Variants in MEI4 observed in about 807,000 individuals in gnomAD.
The protein encoded by MEI4 is meiotic double-stranded break formation protein 4.
In MEI4, 27 loss-of-function variants were observed where a neutral mutation model predicts 31.4. That is an observed-to-expected ratio of 0.86 (90% CI 0.63 to 1.19). MEI4 has a LOEUF of 1.19. MEI4 is among the 50% of genes most tolerant of loss of function. The probability of loss-of-function intolerance (pLI) is 0.00; values close to 1 mark genes in which losing one functional copy is unlikely to be tolerated. For synonymous variants in MEI4, 122 were observed against 145.4 expected (o/e 0.84, Z 1.16); for missense variants, 329 against 398.9 (o/e 0.82, Z 1.49).
At chr6:77,921,695 C>T (rs1392355584) in intron 4 of MEI4, among the ~76,000 whole-genome samples, 1 of 151,648 alleles carries the variant, frequency 6.6e-6, no homozygotes, top group African/African-American at 2.4e-5. Context: ...CACTTAGAGG[C>T]CATTTGTAGG....
chr6:77,673,614 C>A (rs73457428), intron 1 of MEI4, among the ~76,000 whole-genome samples: 6,600 of 152,200 alleles, frequency 0.043, 485 homozygotes, highest in African/African-American at 0.15. Context: ...CCCTGACCCT[C>A]AAGGAACTTT....
rs1766828883 is a variant in MEI4, at chr6:77,925,797, T to G, written c.*2451T>G. ...AATATATTTTATATGAGAGTAAATA[T>G]ATATTAAATATTTTATATACATTTA... On this transcript the variant is annotated 3_prime_UTR_variant, in exon 5 of 5. Transcript: ENST00000684080. 6.8e-6 allele frequency: 1 copy of G among 148,050 alleles called. No individual in the cohort carries two copies. Among genetic ancestry groups the G allele is most frequent in the African/African-American group, 2.4e-5 (1 of 40,818 alleles). The allele number at this position is 148,050 out of a possible 1,614,324, so 9.2% of individuals were successfully genotyped here.
chr6:77,739,428 A>C (rs1767340319), intron 2 of MEI4, among the ~76,000 whole-genome samples: 1 of 152,204 alleles, frequency 6.6e-6, no homozygotes, highest in African/African-American at 2.4e-5. Flanking sequence ...TTGCAGGGAC[A>C]TGGATGAACC....
At chr6:77,699,805 C>T (rs1766169063) in intron 2 of MEI4, among the ~76,000 whole-genome samples, 1 of 152,156 alleles carries the variant, frequency 6.6e-6, no homozygotes, top group African/African-American at 2.4e-5. Context: ...CCATTCAGGA[C>T]CCTCAGCTGC....
chr6:77,821,543 C>G (rs1769824762), intron 3 of MEI4, among the ~76,000 whole-genome samples: 1 of 151,958 alleles, frequency 6.6e-6, no homozygotes. Context: ...CGCCTGTAAT[C>G]CCAGCACTTT....
chr6:77,891,541 T>C (rs1296706244), intron 4 of MEI4, among the ~76,000 whole-genome samples: 6 of 152,194 alleles, frequency 3.9e-5, no homozygotes, highest in Non-Finnish European at 8.8e-5. Context: ...CTTTTTTGTG[T>C]TGTTTAACCT....
chr6:77,662,470 A>G (rs1768530797), intron 1 of MEI4, among the ~76,000 whole-genome samples: 1 of 152,176 alleles, frequency 6.6e-6, no homozygotes, highest in African/African-American at 2.4e-5. Flanking sequence ...TAATTGTGGG[A>G]GACTCAACAA....
At chr6:77,824,545 TA>T (rs1769899245) in intron 3 of MEI4, among the ~76,000 whole-genome samples, 1 of 152,180 alleles carries the variant, frequency 6.6e-6, no homozygotes, top group African/African-American at 2.4e-5. Flanking sequence ...AGTAAATGCT[TA>T]ATAAATTGTC....
At chr6:77,802,572 T>C (rs1267299299) in intron 3 of MEI4, among the ~76,000 whole-genome samples, 1 of 152,194 alleles carries the variant, frequency 6.6e-6, no homozygotes, top group Non-Finnish European at 1.5e-5. Context: ...GCCTCAATGG[T>C]CTTTATAACT....
chr6:77,889,501 C>T (rs1340626516), intron 4 of MEI4, among the ~76,000 whole-genome samples: 1 of 152,118 alleles, frequency 6.6e-6, no homozygotes, highest in Non-Finnish European at 1.5e-5. Flanking sequence ...AAAGATATTT[C>T]TAAGCAGCAA....
intron 1 of MEI4, among the ~76,000 whole-genome samples, chr6:77,685,006 A>G (rs1769026431): frequency 6.6e-6 from 1 of 152,146 alleles, no homozygotes; most frequent in African/African-American, 2.4e-5. Flanking sequence ...CATCCTCACC[A>G]GCAGTTGTTA....
At chr6:77,702,208 C>T (rs9443460) in intron 2 of MEI4, among the ~76,000 whole-genome samples, 114,409 of 152,024 alleles carry the variant, frequency 0.75, 43,282 homozygotes, top group East Asian at 0.86. Flanking sequence ...ACCTCTTTGT[C>T]CTTCTCACCC....
intron 4 of MEI4, among the ~76,000 whole-genome samples, chr6:77,844,028 C>A (rs552658042): frequency 2.6e-5 from 4 of 152,150 alleles, no homozygotes; most frequent in African/African-American, 9.6e-5. Flanking sequence ...ATTTTTATCC[C>A]TAAGGAGTTA....
intron 4 of MEI4, among the ~76,000 whole-genome samples, chr6:77,908,593 C>A (rs1359325470): frequency 2.0e-5 from 3 of 152,074 alleles, no homozygotes; most frequent in Non-Finnish European, 2.9e-5. Context: ...ATGCCTCCAG[C>A]TTTGTTCTTT....
chr6:77,694,283 T>A (rs920833238), intron 2 of MEI4, among the ~76,000 whole-genome samples: 3 of 152,038 alleles, frequency 2.0e-5, no homozygotes, highest in Non-Finnish European at 4.4e-5. Context: ...TTATTACACT[T>A]TAAGTTTTAG....
chr6:77,871,034 C>A (rs1771178157), intron 4 of MEI4, among the ~76,000 whole-genome samples: 1 of 152,070 alleles, frequency 6.6e-6, no homozygotes, highest in Non-Finnish European at 1.5e-5. Context: ...TTCATATTTG[C>A]ATGCTTATTT....
intron 2 of MEI4, among the ~76,000 whole-genome samples, chr6:77,760,612 T>C (rs1768021545): frequency 6.6e-6 from 1 of 152,286 alleles, no homozygotes; most frequent in African/African-American, 2.4e-5. Context: ...GTGTATGGTA[T>C]TTTTTTGCCT....
At chr6:77,748,965 G>A (rs1305679505) in intron 2 of MEI4, among the ~76,000 whole-genome samples, 1 of 152,062 alleles carries the variant, frequency 6.6e-6, no homozygotes, top group African/African-American at 2.4e-5. Flanking sequence ...CTCTGCCGGT[G>A]ATACCCAGGA....
At position 77,723,261 on chromosome 6, in the gene MEI4, A is replaced by G. The variant is rs898587184; in HGVS notation, c.232+32358A>G. On this transcript the variant is annotated intron_variant, in intron 2 of 4. Coordinates refer to ENST00000684080, the MANE Select transcript of MEI4 (RefSeq NM_001322247.2). The stretch of plus-strand genomic sequence containing the variant: ...GAGAGACTGCTTGTATAGTACATAA[A>G]TCTACTGCTGCACTGCCACTTGTGG... 3.5e-5 allele frequency among the ~76,000 whole-genome samples: 5 copies of G among 141,268 alleles called. 1 individual carries two copies. The highest frequency in any genetic ancestry group is 1.3e-4 in the African/African-American group (5 of 38,366). 92.7% of individuals were successfully genotyped at this position (141,268 alleles called of 152,430 possible).
Sources: allele counts gnomAD v4.1 joint callset (sites outside exome capture counted in the v4.1 genomes callset), GRCh38; gene constraint gnomAD v4.1.1; transcripts MANE v1.5; gene names NCBI Gene and HGNC (gene_info 2026-07-23, HGNC 2026-07-21).